The following BRIP1 variants were observed in gnomAD, a reference collection of about 807,000 sequenced individuals.
BRIP1 encodes the protein Fanconi anemia group J protein.
In BRIP1, 88 loss-of-function variants were observed where a neutral mutation model predicts 119.7. That is an observed-to-expected ratio of 0.74 (90% CI 0.62 to 0.88). The LOEUF (loss-of-function observed/expected upper bound fraction) is 0.88, where lower values mean the gene tolerates loss of function less well. Among genes scored for constraint, BRIP1 ranks in the 40% least tolerant of loss-of-function variants. BRIP1 has a pLI of 0.00. For synonymous variants in BRIP1, 443 were observed against 496.5 expected, an observed-to-expected ratio of 0.89 and a Z score of 1.43; for missense variants, 1,259 against 1,455.4, an observed-to-expected ratio of 0.87 and a Z score of 2.20.
rs1060501730 is a variant in BRIP1, at chr17:61,857,077, G to A, written c.360C>T (p.Gly120=). 6.2e-7 allele frequency: 1 copy of A among 1,614,002 alleles called. No homozygotes were observed. Among genetic ancestry groups the A allele is most frequent in the Admixed American group, 1.7e-5 (1 of 60,008 alleles). ...YPSTPPSERN[G]TSSTCQDSPE... Reference sequence around the variant, plus strand: ...AATTACCTTGACAAGTTGATGAAGTGCCATTTCTTTCAGAAGGTGGTGTGC... The same window carrying A: ...AATTACCTTGACAAGTTGATGAAGTACCATTTCTTTCAGAAGGTGGTGTGC... The change falls in exon 4 of 20, where the codon GGC becomes GGT. Residue 120 remains glycine, a synonymous_variant. Transcript: ENST00000259008. This position sits in a 1 kb window ranked among gnomAD's most constrained non-coding sequence, Gnocchi z 5.1.
In BRIP1 at chr17:61,804,775, ATAAT is replaced by A. The variant is rs1373876255; in HGVS notation, c.919-3305_919-3302del. ...ATTATTAAAATTATAAAATATAAAA[ATAAT>A]TAGTCTAACAAGGTTCAGCAATAAT... On this transcript the variant is annotated intron_variant, in intron 7 of 19. Transcript: ENST00000259008. The surrounding 1 kb of genome is among the most constrained non-coding windows in gnomAD (Gnocchi z 4.5). Among the ~76,000 whole-genome samples the A allele has an allele frequency of 6.6e-6, 1 of 151,854 alleles. No individual in the cohort carries two copies. The highest frequency in any genetic ancestry group is 1.5e-5 in the Non-Finnish European group (1 of 67,956).
rs2144355616 is a variant in BRIP1, at chr17:61,713,277, T to A, written c.2492+2674A>T. 6.6e-6 allele frequency among the ~76,000 whole-genome samples: 1 copy of A among 152,244 alleles called. No individual in the cohort carries two copies. Among genetic ancestry groups the A allele is most frequent in the African/African-American group, 2.4e-5 (1 of 41,554 alleles). ...TTGTGTATTTACTATACTGTACTTC[T>A]TATCACTACAGTGTACTCCTTTCAC... On this transcript the variant is annotated intron_variant, in intron 17 of 19. Transcript: ENST00000259008. This position sits in a 1 kb window ranked among gnomAD's most constrained non-coding sequence, Gnocchi z 4.9.
rs587781726 is a variant in BRIP1, at chr17:61,784,327, T to C, written c.1571A>G (p.Gln524Arg). The change falls in exon 11 of 20, where the codon CAA (glutamine) becomes CGA (arginine). Residue 524 changes from glutamine (Q) to arginine (R), a missense_variant. By Grantham distance (43) the Gln-to-Arg change is conservative. Coordinates refer to ENST00000259008, the MANE Select transcript of BRIP1 (RefSeq NM_032043.3). The stretch of plus-strand genomic sequence containing the variant: ...CATAAAAAGTCCTTTAAGCATTATT[T>C]GAGTTGATGCACTAATAACAGGTAC... ...REVPVISAST[Q>R]IMLKGLFMVL... The C allele has an allele frequency of 1.2e-6, 2 of 1,613,230 alleles. No individual in the cohort carries two copies. Among genetic ancestry groups the C allele is most frequent in the Admixed American group, 3.3e-5 (2 of 60,020 alleles).
intron 10 of BRIP1, among the ~76,000 whole-genome samples, chr17:61,786,642 T>G (rs11657480): frequency 0.2 from 28,467 of 145,298 alleles, 3,529 homozygotes; most frequent in Admixed American, 0.35. Context: ...ATTAATTTTT[T>G]AATTTAATTA....
rs1460944269 is a variant in BRIP1, at chr17:61,691,620, TA to T, written c.2575+1809del. On this transcript the variant is annotated intron_variant, in intron 18 of 19. Transcript: ENST00000259008. The surrounding 1 kb of genome is among the most constrained non-coding windows in gnomAD (Gnocchi z 5.0). Reference sequence around the variant, plus strand: ...ACAGGCACCCGCCACCGCACCCGGCTAATTTTTGTATTTTTAATAGAGATGG... The same window carrying T: ...ACAGGCACCCGCCACCGCACCCGGCTATTTTTGTATTTTTAATAGAGATGG... 6.6e-6 allele frequency among the ~76,000 whole-genome samples: 1 copy of T among 152,154 alleles called. No individual in the cohort carries two copies. The highest frequency in any genetic ancestry group is 1.5e-5 in the Non-Finnish European group (1 of 68,036).
chr17:61,719,691 C>T (rs2061940223), intron 16 of BRIP1, among the ~76,000 whole-genome samples: 1 of 150,390 alleles, frequency 6.6e-6, no homozygotes, highest in South Asian at 2.1e-4. Flanking sequence ...CACCACTGCA[C>T]TCCAGCCTGG....
At position 61,797,142 on chromosome 17, in the gene BRIP1, T is replaced by A. The variant is rs569028656; in HGVS notation, c.1340+1958A>T. On this transcript the variant is annotated intron_variant, in intron 9 of 19. Coordinates refer to ENST00000259008, the MANE Select transcript of BRIP1 (RefSeq NM_032043.3). ...GAGAGGCTGAAGCTAGAGACATAGG[T>A]TCAGGCCTCACCAGTACTGAAGATT... 4.6e-5 allele frequency among the ~76,000 whole-genome samples: 7 copies of A among 152,066 alleles called. No individual in the cohort carries two copies. The South Asian group carries it at 1.5e-3, about 32-fold the overall frequency.
At position 61,824,893 on chromosome 17, in the gene BRIP1, TCAA is replaced by T. The variant is rs1179956847; in HGVS notation, c.628-16139_628-16137del. ...GAATACATAAAGAACTTCCACCAACTCAACAACGACAAAAGCAATCCAATTCCA... is the reference window on the plus strand; with the variant it reads ...GAATACATAAAGAACTTCCACCAACTCAACGACAAAAGCAATCCAATTCCA... On this transcript the variant is annotated intron_variant, in intron 6 of 19. Transcript: ENST00000259008. The surrounding 1 kb of genome is among the most constrained non-coding windows in gnomAD (Gnocchi z 4.3). Among the ~76,000 whole-genome samples, 3 of 152,110 alleles carry T rather than the reference TCAA, an allele frequency of 2.0e-5. No homozygotes were observed. Among genetic ancestry groups the T allele is most frequent in the African/African-American group, 7.2e-5 (3 of 41,414 alleles).
chr17:61,857,222 G>T lies in BRIP1; in HGVS notation c.215C>A (p.Ala72Glu), dbSNP rs2078910927. Reference sequence around the variant, plus strand: ...AGCTTTTTCACTTACGCCCTCATCTGCTGGTTTCCCTAAAAATGAAAGAAC... The same window carrying T: ...AGCTTTTTCACTTACGCCCTCATCTTCTGGTTTCCCTAAAAATGAAAGAAC... The part of the protein sequence containing the change: ...AWQQSLSGKP[A>E]DEGVSEKAEV... The change falls in exon 4 of 20, where the codon GCA (alanine) becomes GAA (glutamate). Residue 72 changes from alanine to glutamate, a missense_variant. Ala to Glu is a moderately radical substitution (Grantham distance 107, BLOSUM62 -1). This residue lies in a region of BRIP1 where 501 missense variants were observed against 544.0 expected (regional missense o/e 0.92). Transcript: ENST00000259008. The surrounding 1 kb of genome is among the most constrained non-coding windows in gnomAD (Gnocchi z 5.1). 1.2e-6 allele frequency: 2 copies of T among 1,613,180 alleles called. No homozygotes were observed. Among genetic ancestry groups the T allele is most frequent in the Non-Finnish European group, 1.7e-6 (2 of 1,179,356 alleles).
chr17:61,808,010 G>C lies in BRIP1; in HGVS notation c.918+457C>G, dbSNP rs181508473. On this transcript the variant is annotated intron_variant, in intron 7 of 19. Transcript: ENST00000259008. The surrounding 1 kb of genome is among the most constrained non-coding windows in gnomAD (Gnocchi z 4.1). ...TTGTATTTATCAGAATTATGAGGTG[G>C]GATAATCATTATATTTCTCATTCAA... 3.2e-4 allele frequency among the ~76,000 whole-genome samples: 48 copies of C among 152,008 alleles called. No homozygotes were observed. The highest frequency in any genetic ancestry group is 2.6e-3 in the Admixed American group (39 of 15,264).
At chr17:61,712,590 A>G (rs905841147) in intron 17 of BRIP1, among the ~76,000 whole-genome samples, 8 of 152,168 alleles carry the variant, frequency 5.3e-5, no homozygotes, top group Non-Finnish European at 5.9e-5. Context: ...AAGTTAATTA[A>G]AATTTCATAG....
rs1026602054 is a variant in BRIP1 at position 61,743,911 on chromosome 17, T to A, written c.2257+521A>T. 7.2e-5 allele frequency among the ~76,000 whole-genome samples: 11 copies of A among 152,034 alleles called. No individual in the cohort carries two copies. The highest frequency in any genetic ancestry group is 1.3e-4 in the Non-Finnish European group (9 of 67,994). On this transcript the variant is annotated intron_variant, in intron 15 of 19. Transcript: ENST00000259008. The surrounding 1 kb of genome is among the most constrained non-coding windows in gnomAD (Gnocchi z 4.3). ...CATGTTGCCCAGGCTGGTCTCGAACTCCTGGGCTCAAGTGATCCACCCGCC... is the reference window on the plus strand; with the variant it reads ...CATGTTGCCCAGGCTGGTCTCGAACACCTGGGCTCAAGTGATCCACCCGCC...
rs767872111 is a variant in BRIP1, at chr17:61,776,534, G to C, written c.1964C>G (p.Pro655Arg). The C allele has an allele frequency of 6.8e-6, 11 of 1,614,046 alleles. No homozygotes were observed. Among genetic ancestry groups the C allele is most frequent in the South Asian group, 1.1e-5 (1 of 91,074 alleles). Residue 655 changes from proline (P) to arginine (R), a missense_variant, in exon 14 of 20, where the codon CCC (proline) becomes CGC (arginine). Pro to Arg is a moderately radical substitution (Grantham distance 103). This residue lies in a region of BRIP1 where 753 missense variants were observed against 891.8 expected (regional missense o/e 0.84). Coordinates refer to ENST00000259008, the MANE Select transcript of BRIP1 (RefSeq NM_032043.3). The surrounding 1 kb of genome is among the most constrained non-coding windows in gnomAD (Gnocchi z 5.0). The stretch of plus-strand genomic sequence containing the variant: ...GGTAGCACAGAGATTCCGACCCTTG[G>C]GGCCTGACCCAATGGTACCAACCCA... Reference protein sequence around the residue: ...QVWVGTIGSGPKGRNLCATFQ... With the variant: ...QVWVGTIGSGRKGRNLCATFQ...
In BRIP1 at chr17:61,807,410, A is replaced by G. The variant is rs2078090014; in HGVS notation, c.918+1057T>C. ...TCTCCTGGCTCGGAACAAGTCACTCAAGTTTTGCCATTGGAACACCTTACT... is the reference window on the plus strand; with the variant it reads ...TCTCCTGGCTCGGAACAAGTCACTCGAGTTTTGCCATTGGAACACCTTACT... On this transcript the variant is annotated intron_variant, in intron 7 of 19. Coordinates refer to ENST00000259008, the MANE Select transcript of BRIP1 (RefSeq NM_032043.3). This position sits in a 1 kb window ranked among gnomAD's most constrained non-coding sequence, Gnocchi z 4.5. 6.6e-6 allele frequency among the ~76,000 whole-genome samples: 1 copy of G among 152,172 alleles called. No individual in the cohort carries two copies. The highest frequency in any genetic ancestry group is 1.5e-5 in the Non-Finnish European group (1 of 68,018).
In BRIP1 at chr17:61,753,301, G is replaced by T. The variant is rs1164440261; in HGVS notation, c.2098-8710C>A. 6.6e-6 allele frequency among the ~76,000 whole-genome samples: 1 copy of T among 152,110 alleles called. No individual in the cohort carries two copies. Among genetic ancestry groups the T allele is most frequent in the African/African-American group, 2.4e-5 (1 of 41,426 alleles). On this transcript the variant is annotated intron_variant, in intron 14 of 19. Coordinates refer to ENST00000259008, the MANE Select transcript of BRIP1 (RefSeq NM_032043.3). The surrounding 1 kb of genome is among the most constrained non-coding windows in gnomAD (Gnocchi z 4.6). ...TAAATCACCCAGTTTCAGGTAGTCT[G>T]TTACAAGCAACAGAAAATGAACTAA...
intron 14 of BRIP1, among the ~76,000 whole-genome samples, chr17:61,765,829 G>GCA (rs71150698): frequency 0.21 from 30,777 of 146,314 alleles, 3,375 homozygotes; most frequent in Non-Finnish European, 0.26. Context: ...CTATATTCAT[G>GCA]CACACACACA....
chr17:61,692,674 C>T (rs991690811), intron 18 of BRIP1, among the ~76,000 whole-genome samples: 5 of 151,884 alleles, frequency 3.3e-5, no homozygotes, highest in African/African-American at 9.7e-5. Flanking sequence ...ATTATACCTG[C>T]TAGGAGAGCC....
chr17:61,703,412 T>C lies in BRIP1; in HGVS notation c.2493-9900A>G, dbSNP rs1278594874. On this transcript the variant is annotated intron_variant, in intron 17 of 19. Coordinates refer to ENST00000259008, the MANE Select transcript of BRIP1 (RefSeq NM_032043.3). This position sits in a 1 kb window ranked among gnomAD's most constrained non-coding sequence, Gnocchi z 5.0. ...TCTAATGATAGTGTGTTGAACATTT[T>C]TTCATATGCTTCTTGGCCACATGCA... 6.6e-6 allele frequency among the ~76,000 whole-genome samples: 1 copy of C among 152,220 alleles called. No homozygotes were observed.
chr17:61,844,987 A>C lies in BRIP1; in HGVS notation c.627+2114T>G, dbSNP rs570205807. On this transcript the variant is annotated intron_variant, in intron 6 of 19. Coordinates refer to ENST00000259008, the MANE Select transcript of BRIP1 (RefSeq NM_032043.3). The surrounding 1 kb of genome is among the most constrained non-coding windows in gnomAD (Gnocchi z 4.7). ...ACTAATATGCACCATATGCTATTCTAGGCATGAGGGACACACATGAAAAAG... is the reference window on the plus strand; with the variant it reads ...ACTAATATGCACCATATGCTATTCTCGGCATGAGGGACACACATGAAAAAG... Among the ~76,000 whole-genome samples, 9 of 152,344 alleles carry C rather than the reference A, an allele frequency of 5.9e-5. No homozygotes were observed. Among genetic ancestry groups the C allele is most frequent in the African/African-American group, 2.2e-4 (9 of 41,584 alleles).
Sources: gnomAD v4.1 joint callset for allele counts (sites outside exome capture counted in the v4.1 genomes callset) on GRCh38, gnomAD v4.1.1 for gene constraint, gnomAD v4.1.1 regional missense constraint, Gnocchi (gnomAD v3.1) non-coding constraint, MANE v1.5 for transcripts, NCBI Gene and HGNC (gene_info 2026-07-23, HGNC 2026-07-21) for gene names.